The following WDR33 variants were observed in gnomAD, a reference collection of about 807,000 sequenced individuals.
WDR33 encodes the protein WD repeat domain 33.
WDR33 carries 47 observed loss-of-function variants against 164.9 expected under a neutral mutation model. The ratio of observed to expected loss-of-function variants is 0.29; its 90% CI spans 0.23 to 0.36. The LOEUF is 0.36. Ranked by LOEUF, WDR33 falls within the 10% of genes least tolerant of loss-of-function variation. The pLI is 1.00. For missense variants in WDR33, 1,137 were observed against 1,754.1 expected (o/e 0.65, Z 6.28); for synonymous variants, 505 against 589.0 (o/e 0.86, Z 2.06).
chr2:127,775,567 T>C (rs890410667), intron 1 of WDR33, among the ~76,000 whole-genome samples: 1 of 152,196 alleles, frequency 6.6e-6, no homozygotes, highest in African/African-American at 2.4e-5. Flanking sequence ...GGAGAGTACC[T>C]GGATACAAAG....
chr2:127,750,415 G>C (rs1687290441), intron 7 of WDR33, among the ~76,000 whole-genome samples: 1 of 151,532 alleles, frequency 6.6e-6, no homozygotes, highest in Admixed American at 6.6e-5. Flanking sequence ...GGGAGACTGA[G>C]GCAGATGAAT....
rs559217797 is a variant in WDR33 at position 127,701,383 on chromosome 2, G to A, written c.*4940C>T. 9.0e-6 allele frequency: 7 copies of A among 778,164 alleles called. No homozygotes were observed. Among genetic ancestry groups the A allele is most frequent in the African/African-American group, 5.4e-5 (3 of 55,206 alleles). 48.2% of individuals were successfully genotyped at this position (778,164 alleles called of 1,614,324 possible). ...CTTGGGGACACCACAAAAGTCCGCA[G>A]AGCAGGCACCGCGGCACTTCCGCGA... On this transcript the variant is annotated 3_prime_UTR_variant, in exon 22 of 22. Transcript: ENST00000322313.
In WDR33 at chr2:127,762,713, C is replaced by T. The variant is rs747538927; in HGVS notation, c.724+349G>A. Reference sequence around the variant, plus strand: ...TGTAAAAGGACTGCCAGGAGAATGACGGCTATCTAAATCAAACCACAGTGT... The same window carrying T: ...TGTAAAAGGACTGCCAGGAGAATGATGGCTATCTAAATCAAACCACAGTGT... On this transcript the variant is annotated intron_variant, in intron 7 of 21. Coordinates refer to ENST00000322313, the MANE Select transcript of WDR33 (RefSeq NM_018383.5). 111 of 1,032,862 alleles carry T rather than the reference C, an allele frequency of 1.1e-4. 1 individual carries two copies. Among genetic ancestry groups the T allele is most frequent in the Non-Finnish European group, 1.2e-4 (105 of 858,914 alleles). 64.0% of individuals were successfully genotyped at this position (1,032,862 alleles called of 1,614,324 possible).
chr2:127,723,230 G>A lies in WDR33; in HGVS notation c.1291+23C>T. The A allele has an allele frequency of 6.3e-7, 1 of 1,598,018 alleles. No homozygotes were observed. Among genetic ancestry groups the A allele is most frequent in the Non-Finnish European group, 8.6e-7 (1 of 1,168,512 alleles). ...TAATAGAATACCAGATTTCAAAGAA[G>A]GACAGATGTGCAAGAGTCTCACCAT... On this transcript the variant is annotated intron_variant, in intron 12 of 21. Transcript: ENST00000322313. The surrounding 1 kb of genome is among the most constrained non-coding windows in gnomAD (Gnocchi z 5.9).
chr2:127,754,511 TAG>T (rs979880948), intron 7 of WDR33, among the ~76,000 whole-genome samples: 1 of 151,912 alleles, frequency 6.6e-6, no homozygotes, highest in African/African-American at 2.4e-5. Context: ...CTTGGATTCC[TAG>T]ACTCGAGCAA....
chr2:127,706,604 C>T lies in WDR33; in HGVS notation c.3782-52G>A. 1 of 1,484,998 alleles carries T rather than the reference C, an allele frequency of 6.7e-7. No individual in the cohort carries two copies. Among genetic ancestry groups the T allele is most frequent in the South Asian group, 1.3e-5 (1 of 79,376 alleles). 92.0% of individuals were successfully genotyped at this position (1,484,998 alleles called of 1,614,324 possible). A position where few individuals can be genotyped will look rare whatever the true frequency, so the allele number is the denominator to read the frequency against. On this transcript the variant is annotated intron_variant, in intron 21 of 21. Transcript: ENST00000322313. This position sits in a 1 kb window ranked among gnomAD's most constrained non-coding sequence, Gnocchi z 5.1. ...ACTTTTTGTATTAGCAACTGTTTGT[C>T]AGTAACTCCCAGTACAAACTTTACT...
In WDR33 at chr2:127,773,233, G is replaced by A. The variant is rs192144500; in HGVS notation, c.-23-2229C>T. Reference sequence around the variant, plus strand: ...CACAATTGCTTTTGTTTCAAAACCAGAAAAGATTGTGGCCACCATTATTTG... The same window carrying A: ...CACAATTGCTTTTGTTTCAAAACCAAAAAAGATTGTGGCCACCATTATTTG... On this transcript the variant is annotated intron_variant, in intron 1 of 21. Coordinates refer to ENST00000322313, the MANE Select transcript of WDR33 (RefSeq NM_018383.5). Among the ~76,000 whole-genome samples the A allele has an allele frequency of 9.1e-4, 138 of 152,262 alleles. No individual in the cohort carries two copies. The Middle Eastern group carries it at 0.01, about 11-fold the overall frequency.
At chr2:127,765,025 A>C in intron 5 of WDR33, 46 bp from the exon 6 acceptor site, 1 of 1,600,580 alleles carries the variant, frequency 6.2e-7, no homozygotes, top group East Asian at 2.2e-5. Flanking sequence ...GCTTCAAAGA[A>C]TATATGACTA....
intron 1 of WDR33, among the ~76,000 whole-genome samples, chr2:127,781,786 G>A (rs557385619): frequency 2.6e-5 from 4 of 151,494 alleles, no homozygotes; most frequent in Non-Finnish European, 5.9e-5. Context: ...ATCACCTGAG[G>A]TCGGGAGTTT....
intron 1 of WDR33, among the ~76,000 whole-genome samples, chr2:127,774,432 C>T (rs1688115201): frequency 6.6e-6 from 1 of 152,068 alleles, no homozygotes; most frequent in South Asian, 2.1e-4. Context: ...AGTATAGTTT[C>T]TATTACTATA....
At chr2:127,765,077 G>C in intron 5 of WDR33, 97 bp downstream of exon 5, 1 of 1,551,686 alleles carries the variant, frequency 6.4e-7, no homozygotes, top group Non-Finnish European at 8.8e-7. Context: ...GTAATAATTC[G>C]TCCCAATTCT....
chr2:127,805,072 T>C (rs1424357661), intron 1 of WDR33, among the ~76,000 whole-genome samples: 1 of 98,930 alleles, frequency 1.0e-5, no homozygotes, highest in Non-Finnish European at 2.1e-5. Context: ...TTTTTTCTTT[T>C]TTTTTTTTTT....
Position 127,711,780 on chromosome 2 carries a change from A to ATTTTTTTT in WDR33, c.3308+1795_3308+1802dup, listed in dbSNP as rs1158780905. 4.1e-4 allele frequency among the ~76,000 whole-genome samples: 36 copies of ATTTTTTTT among 88,300 alleles called. 2 individuals are homozygous for ATTTTTTTT. Among genetic ancestry groups the ATTTTTTTT allele is most frequent in the African/African-American group, 2.2e-3 (34 of 15,434 alleles). The allele number at this position is 88,300 out of a possible 152,430, so 57.9% of individuals were successfully genotyped here. A position where few individuals can be genotyped will look rare whatever the true frequency, so the allele number is the denominator to read the frequency against. The stretch of plus-strand genomic sequence containing the variant: ...TATATATATATATATATATATATAT[A>ATTTTTTTT]TTTTTTTTTTGAGACAGAGTCTCGC... On this transcript the variant is annotated intron_variant, in intron 18 of 21. Transcript: ENST00000322313.
At chr2:127,729,474 T>C (rs1686649568) in intron 7 of WDR33, among the ~76,000 whole-genome samples, 1 of 152,092 alleles carries the variant, frequency 6.6e-6, no homozygotes, top group Non-Finnish European at 1.5e-5. Flanking sequence ...AGACAGTGAA[T>C]TGGAACAGGG....
At chr2:127,807,561 G>C (rs577068020) in intron 1 of WDR33, among the ~76,000 whole-genome samples, 1 of 152,246 alleles carries the variant, frequency 6.6e-6, no homozygotes, top group South Asian at 2.1e-4. Context: ...AACTAAACAA[G>C]TTATGAATAA....
At chr2:127,759,610 G>A (rs1687619238) in intron 7 of WDR33, among the ~76,000 whole-genome samples, 1 of 152,160 alleles carries the variant, frequency 6.6e-6, no homozygotes, top group Non-Finnish European at 1.5e-5. Context: ...AGACTCACTT[G>A]AACCCGAGAG....
chr2:127,786,179 A>T (rs1688560140), intron 1 of WDR33, among the ~76,000 whole-genome samples: 1 of 152,198 alleles, frequency 6.6e-6, no homozygotes, highest in African/African-American at 2.4e-5. Flanking sequence ...GCCCACAGGC[A>T]TGTGCCACCA....
chr2:127,722,823 A>G lies in WDR33; in HGVS notation c.1379-93T>C. On this transcript the variant is annotated intron_variant, in intron 13 of 21. Coordinates refer to ENST00000322313, the MANE Select transcript of WDR33 (RefSeq NM_018383.5). The surrounding 1 kb of genome is among the most constrained non-coding windows in gnomAD (Gnocchi z 5.1). ...ATTATTGGAAGAATAGATTTTAAGT[A>G]TTATGTCATTTATATAATTTTTATC... The G allele has an allele frequency of 6.9e-7, 1 of 1,440,992 alleles. No homozygotes were observed. Among genetic ancestry groups the G allele is most frequent in the Non-Finnish European group, 9.4e-7 (1 of 1,062,562 alleles). The allele number at this position is 1,440,992 out of a possible 1,614,324, so 89.3% of individuals were successfully genotyped here.
chr2:127,766,214 G>A (rs562174318), intron 4 of WDR33, among the ~76,000 whole-genome samples: 2 of 152,104 alleles, frequency 1.3e-5, no homozygotes, highest in South Asian at 2.1e-4. Flanking sequence ...TTCCTTAAAA[G>A]ATGTAAATAT....
Sources: gnomAD v4.1 joint callset for allele counts (sites outside exome capture counted in the v4.1 genomes callset) on GRCh38, gnomAD v4.1.1 for gene constraint, Gnocchi (gnomAD v3.1) non-coding constraint, MANE v1.5 for transcripts, NCBI Gene and HGNC (gene_info 2026-07-23, HGNC 2026-07-21) for gene names.